Variants in EEFSEC observed in about 807,000 individuals in gnomAD.
EEFSEC encodes the protein eukaryotic elongation factor, selenocysteine-tRNA specific.
In EEFSEC, 43 loss-of-function variants were observed where a neutral mutation model predicts 42.1. That is an observed-to-expected ratio of 1.02 (90% CI 0.80 to 1.32). The LOEUF is 1.32. Ranked by LOEUF, EEFSEC falls within the 40% of genes most tolerant of loss-of-function variation. The pLI, the probability that EEFSEC is intolerant of heterozygous loss-of-function variation, is 0.00. For synonymous variants in EEFSEC, 354 were observed against 339.1 expected (o/e 1.04, Z -0.48); for missense variants, 745 against 803.6 (o/e 0.93, Z 0.88).
At chr3:128,205,208 TCTGGTCAC>T (rs2065685527) in intron 1 of EEFSEC, among the ~76,000 whole-genome samples, 1 of 152,232 alleles carries the variant, frequency 6.6e-6, no homozygotes, top group African/African-American at 2.4e-5. Flanking sequence ...TGCTCACTCA[TCTGGTCAC>T]CTGAACATTA....
chr3:128,405,652 G>C (rs3930226), intron 6 of EEFSEC, among the ~76,000 whole-genome samples: 1 of 152,274 alleles, frequency 6.6e-6, no homozygotes, highest in Non-Finnish European at 1.5e-5. Flanking sequence ...CCGGACTGAA[G>C]CTTGATGTGC....
intron 2 of EEFSEC, among the ~76,000 whole-genome samples, chr3:128,253,186 T>C (rs2066205794): frequency 6.6e-6 from 1 of 152,242 alleles, no homozygotes. Flanking sequence ...GATAGTTGAA[T>C]TTCCAAAAGC....
intron 4 of EEFSEC, among the ~76,000 whole-genome samples, chr3:128,307,394 C>T (rs2066840284): frequency 6.6e-6 from 1 of 152,214 alleles, no homozygotes; most frequent in South Asian, 2.1e-4. Flanking sequence ...CTTGTACCCT[C>T]TCCCTGTGGT....
intron 1 of EEFSEC, among the ~76,000 whole-genome samples, chr3:128,227,630 A>G (rs1453981689): frequency 6.6e-6 from 1 of 151,864 alleles, no homozygotes; most frequent in Non-Finnish European, 1.5e-5. Flanking sequence ...AGCGGCATTA[A>G]CTCAGGGGCC....
chr3:128,162,938 C>G (rs1243780180), intron 1 of EEFSEC, among the ~76,000 whole-genome samples: 2 of 152,144 alleles, frequency 1.3e-5, no homozygotes, highest in African/African-American at 4.8e-5. Flanking sequence ...CCTTTGTTTT[C>G]TATCAGCATG....
At chr3:128,154,846 T>C (rs1223912637) in intron 1 of EEFSEC, among the ~76,000 whole-genome samples, 1 of 152,246 alleles carries the variant, frequency 6.6e-6, no homozygotes, top group African/African-American at 2.4e-5. Context: ...AGAACAGAAC[T>C]CTTTGGTATG....
chr3:128,350,055 T>G (rs571012139), intron 5 of EEFSEC, among the ~76,000 whole-genome samples: 1 of 152,222 alleles, frequency 6.6e-6, no homozygotes, highest in Non-Finnish European at 1.5e-5. Flanking sequence ...AGGGAAGGCC[T>G]TAGGGCTGGG....
intron 4 of EEFSEC, among the ~76,000 whole-genome samples, chr3:128,310,175 A>G (rs866259659): frequency 2.0e-5 from 3 of 152,246 alleles, no homozygotes; most frequent in Non-Finnish European, 4.4e-5. Context: ...GGCACTGCCA[A>G]GAATATTCCT....
intron 1 of EEFSEC, among the ~76,000 whole-genome samples, chr3:128,240,151 T>A (rs964476214): frequency 6.6e-6 from 1 of 152,222 alleles, no homozygotes; most frequent in Non-Finnish European, 1.5e-5. Flanking sequence ...CCCTTTCCCC[T>A]TCCCCAACTC....
At chr3:128,293,674 A>AAAAAAAAAAAAAC (rs2066670840) in intron 4 of EEFSEC, among the ~76,000 whole-genome samples, 1 of 149,410 alleles carries the variant, frequency 6.7e-6, no homozygotes, top group African/African-American at 2.5e-5. Context: ...AAAAAAAAAA[A>AAAAAAAAAAAAAC]AAAAAAAAAA....
chr3:128,318,561 G>A (rs2066973262), intron 4 of EEFSEC, among the ~76,000 whole-genome samples: 1 of 152,202 alleles, frequency 6.6e-6, no homozygotes, highest in Non-Finnish European at 1.5e-5. Context: ...CAGAGACCCA[G>A]TTAGAAATGG....
chr3:128,411,057 C>CT (rs1043562917), downstream of EEFSEC, among the ~76,000 whole-genome samples: 1 of 152,242 alleles, frequency 6.6e-6, no homozygotes, highest in African/African-American at 2.4e-5. Context: ...GGAGAGGCCT[C>CT]TATCAGGCCC....
chr3:128,181,352 A>G (rs763816165), intron 1 of EEFSEC, among the ~76,000 whole-genome samples: 6 of 152,242 alleles, frequency 3.9e-5, no homozygotes, highest in Non-Finnish European at 8.8e-5. Context: ...TCCTCCCATC[A>G]AGACCTACAG....
Position 128,264,622 on chromosome 3 carries a change from G to T in EEFSEC, c.627G>T (p.Leu209=). ...PQGIPELIEL[L]TSQISIPTRD... is the part of the protein sequence containing the mutation. ...CACCAGTTTCTCTTTTCTAGCTCCT[G>T]ACGTCCCAGATTTCCATCCCAACGA... The change falls in exon 4 of 7, where the codon CTG becomes CTT. Residue 209 remains leucine (L), a synonymous_variant. Coordinates refer to ENST00000254730, the MANE Select transcript of EEFSEC (RefSeq NM_021937.5). 6.2e-7 allele frequency: 1 copy of T among 1,613,728 alleles called. No individual in the cohort carries two copies. The highest frequency in any genetic ancestry group is 1.1e-5 in the South Asian group (1 of 91,046).
chr3:128,183,042 A>G (rs1233841189), intron 1 of EEFSEC, among the ~76,000 whole-genome samples: 3 of 152,138 alleles, frequency 2.0e-5, no homozygotes, highest in African/African-American at 7.2e-5. Flanking sequence ...TAGTTTTACC[A>G]TTTTACTAGC....
At chr3:128,375,242 G>A (rs1245868472) in intron 6 of EEFSEC, among the ~76,000 whole-genome samples, 8 of 152,210 alleles carry the variant, frequency 5.3e-5, no homozygotes, top group African/African-American at 1.7e-4. Context: ...GGGATCAGGT[G>A]TAGGCTAAGT....
intron 4 of EEFSEC, among the ~76,000 whole-genome samples, chr3:128,280,750 G>A (rs1389865984): frequency 6.6e-6 from 1 of 152,184 alleles, no homozygotes; most frequent in African/African-American, 2.4e-5. Flanking sequence ...TATTGGGGAA[G>A]CTCTGGGCAC....
chr3:128,283,253 C>G (rs1308151612), intron 4 of EEFSEC, among the ~76,000 whole-genome samples: 1 of 151,608 alleles, frequency 6.6e-6, no homozygotes, highest in Admixed American at 6.5e-5. Flanking sequence ...GATACTGATT[C>G]AGCTCCAGGT....
chr3:128,187,992 AG>A (rs1340126851), intron 1 of EEFSEC, among the ~76,000 whole-genome samples: 2 of 152,168 alleles, frequency 1.3e-5, no homozygotes, highest in African/African-American at 4.8e-5. Flanking sequence ...GCAGGTTGGA[AG>A]CAGATTATGA....
Sources: allele counts gnomAD v4.1 joint callset (sites outside exome capture counted in the v4.1 genomes callset), GRCh38; gene constraint gnomAD v4.1.1; transcripts MANE v1.5; gene names NCBI Gene and HGNC (gene_info 2026-07-23, HGNC 2026-07-21).